Variants in TANC2 observed in about 807,000 individuals in gnomAD.
TANC2 encodes tetratricopeptide repeat, ankyrin repeat and coiled-coil containing 2, also known as protein TANC2.
TANC2 carries 26 observed loss-of-function variants against 210.5 expected under a neutral mutation model. That is an observed-to-expected ratio of 0.12 (90% CI 0.09 to 0.17). The LOEUF (loss-of-function observed/expected upper bound fraction) is 0.17, where lower values mean the gene tolerates loss of function less well. Among genes scored for constraint, TANC2 ranks in the 10% least tolerant of loss-of-function variants. The pLI, the probability that TANC2 is intolerant of heterozygous loss-of-function variation, is 1.00. For synonymous variants in TANC2, 931 were observed against 967.1 expected, an observed-to-expected ratio of 0.96 and a Z score of 0.69; for missense variants, 2,129 against 2,608.9, an observed-to-expected ratio of 0.82 and a Z score of 4.01.
chr17:63,311,661 CAT>C (rs1480566758), intron 9 of TANC2, among the ~76,000 whole-genome samples: 1 of 152,112 alleles, frequency 6.6e-6, no homozygotes, highest in African/African-American at 2.4e-5. Context: ...GGATTGAAAA[CAT>C]ATGTTCACAT....
rs145822140 is a variant in TANC2 at position 63,082,227 on chromosome 17, T to A, written c.139+8213T>A. On this transcript the variant is annotated intron_variant, in intron 3 of 27. Transcript: ENST00000689528. ...TCTAGAAAGATTTTATTTTAAAATA[T>A]TCTTATGTGAATTTTTCTGGTAAGA... Among the ~76,000 whole-genome samples the A allele has an allele frequency of 3.0e-4, 46 of 151,208 alleles. No homozygotes were observed. In the East Asian group the frequency reaches 8.9e-3, roughly 29 times the overall value.
chr17:63,065,034 C>T (rs914953858), intron 2 of TANC2, among the ~76,000 whole-genome samples: 5 of 152,096 alleles, frequency 3.3e-5, no homozygotes, highest in Non-Finnish European at 7.4e-5. Flanking sequence ...AGCATTTCCC[C>T]GTTTCTCCCT....
chr17:63,300,459 G>C (rs2044675978), intron 9 of TANC2, among the ~76,000 whole-genome samples: 1 of 152,052 alleles, frequency 6.6e-6, no homozygotes, highest in Non-Finnish European at 1.5e-5. Context: ...CTTGAGCAGT[G>C]GTTTGTAGTT....
At chr17:63,215,938 A>G (rs975725119) in intron 7 of TANC2, among the ~76,000 whole-genome samples, 4 of 151,916 alleles carry the variant, frequency 2.6e-5, no homozygotes, top group Admixed American at 6.6e-5. Flanking sequence ...TTGTTAGTAG[A>G]GATGGGGTTT....
At chr17:63,175,354 C>T (rs1029715065) in intron 5 of TANC2, among the ~76,000 whole-genome samples, 10 of 151,894 alleles carry the variant, frequency 6.6e-5, no homozygotes, top group South Asian at 6.2e-4. Flanking sequence ...TAGCAAGATC[C>T]GGTCTCTAGA....
exon 28 of TANC2, chr17:63,424,379 C>G (rs2049096178): frequency 1.3e-5 from 2 of 152,186 alleles, no homozygotes; most frequent in Non-Finnish European, 2.9e-5. Context: ...ATATGCCAAC[C>G]AGAGCTTGTT....
chr17:63,007,672 C>G (rs2033680769), intron 1 of TANC2, among the ~76,000 whole-genome samples: 2 of 152,076 alleles, frequency 1.3e-5, no homozygotes, highest in Non-Finnish European at 2.9e-5. Flanking sequence ...TACTTCTCTT[C>G]TTGGGTAATA....
intron 20 of TANC2, among the ~76,000 whole-genome samples, 170 bp from the exon 21 acceptor site, chr17:63,405,984 G>A (rs1346013068): frequency 6.6e-6 from 1 of 152,224 alleles, no homozygotes; most frequent in African/African-American, 2.4e-5. Context: ...CCCTGAGAGA[G>A]ATTAAATCAC....
At position 63,185,193 on chromosome 17, in the gene TANC2, G is replaced by A. The variant is rs976087861; in HGVS notation, c.434-8798G>A. Among the ~76,000 whole-genome samples, 9 of 151,752 alleles carry A rather than the reference G, an allele frequency of 5.9e-5. No individual in the cohort carries two copies. In the South Asian group the frequency reaches 8.3e-4, roughly 14 times the overall value. The stretch of plus-strand genomic sequence containing the variant: ...AAAAAAATGTTTTTTTGGAGCTAGG[G>A]TTTTGCCGTGTCACCCAGGCTCGAA... On this transcript the variant is annotated intron_variant, in intron 5 of 27. Transcript: ENST00000689528.
chr17:63,398,763 A>G lies in TANC2; in HGVS notation c.3238-58A>G, dbSNP rs2048248870. On this transcript the variant is annotated intron_variant, in intron 18 of 27. Coordinates refer to ENST00000689528, the Ensembl canonical transcript of TANC2. ...AAGCATCTTCCAAACCTCACAGGCT[A>G]GTGTCAGTAGCATAGTTTTCCACCT... The G allele has an allele frequency of 5.1e-6, 6 of 1,180,620 alleles. No individual in the cohort carries two copies. In the South Asian group the frequency reaches 6.9e-5, roughly 14 times the overall value. The allele number at this position is 1,180,620 out of a possible 1,614,324, so 73.1% of individuals were successfully genotyped here.
At chr17:63,281,543 T>C (rs935295335) in intron 9 of TANC2, among the ~76,000 whole-genome samples, 3 of 147,456 alleles carry the variant, frequency 2.0e-5, no homozygotes, top group Non-Finnish European at 4.4e-5. Context: ...CTAAGTTAAC[T>C]TGAACAAAAA....
chr17:63,294,149 A>G (rs17797064), intron 9 of TANC2, among the ~76,000 whole-genome samples: 22,858 of 152,252 alleles, frequency 0.15, 2,046 homozygotes, highest in Middle Eastern at 0.21. Flanking sequence ...AGATAGACAC[A>G]GTGATTAAAG....
At chr17:63,097,027 AG>A (rs1272012702) in intron 3 of TANC2, among the ~76,000 whole-genome samples, 1 of 150,974 alleles carries the variant, frequency 6.6e-6, no homozygotes, top group East Asian at 1.9e-4. Context: ...TGTTTATTCA[AG>A]TACTTTGAAG....
intron 4 of TANC2, among the ~76,000 whole-genome samples, chr17:63,135,065 C>G (rs2039044861): frequency 6.6e-6 from 1 of 151,966 alleles, no homozygotes; most frequent in African/African-American, 2.4e-5. Flanking sequence ...AAAATTTAAA[C>G]ATTAGCTGGG....
At chr17:63,377,259 G>A (rs1198426479) in intron 14 of TANC2, among the ~76,000 whole-genome samples, 2 of 152,192 alleles carry the variant, frequency 1.3e-5, no homozygotes, top group Non-Finnish European at 2.9e-5. Flanking sequence ...TCCTCATTGA[G>A]TATGCAGATT....
rs1309026358 is a variant in TANC2, at chr17:63,420,123, C to A, written c.4393C>A (p.Pro1465Thr). 11 of 1,551,386 alleles carry A rather than the reference C, an allele frequency of 7.1e-6. No individual in the cohort carries two copies. Among genetic ancestry groups the A allele is most frequent in the Non-Finnish European group, 8.7e-7 (1 of 1,146,980 alleles). The change falls in exon 28 of 28, where the codon CCA (proline) becomes ACA (threonine). Residue 1465 changes from proline to threonine, a missense_variant. By Grantham distance (38) the Pro-to-Thr change is conservative (BLOSUM62 -1). This residue lies in a region of TANC2 where 584 missense variants were observed against 627.3 expected (regional missense o/e 0.93). Coordinates refer to ENST00000689528, the Ensembl canonical transcript of TANC2. The surrounding 1 kb of genome is among the most constrained non-coding windows in gnomAD (Gnocchi z 4.2). ...TAGACAGATGCAGCAGCCACAGCAG[C>A]CACCGCCGCCACCGCAGCCTCAGCA...
chr17:63,372,893 C>CTTTTTTTTTTTTT (rs753800050), intron 14 of TANC2, among the ~76,000 whole-genome samples: 1 of 115,938 alleles, frequency 8.6e-6, no homozygotes, highest in African/African-American at 3.4e-5. Context: ...TGATTACCAT[C>CTTTTTTTTTTTTT]TTTTTTTTTT....
At chr17:63,004,409 G>A (rs2033520791) in intron 1 of TANC2, among the ~76,000 whole-genome samples, 1 of 152,112 alleles carries the variant, frequency 6.6e-6, no homozygotes. Flanking sequence ...TTGTGCCAAG[G>A]TGGCTATGTG....
intron 5 of TANC2, among the ~76,000 whole-genome samples, chr17:63,172,432 T>G (rs893621609): frequency 6.6e-6 from 1 of 152,070 alleles, no homozygotes; most frequent in African/African-American, 2.4e-5. Context: ...TCCACCCACC[T>G]CAGCCTTCCA....
Sources: allele counts gnomAD v4.1 joint callset (sites outside exome capture counted in the v4.1 genomes callset), GRCh38; gene constraint gnomAD v4.1.1; regional missense constraint gnomAD v4.1.1; non-coding constraint Gnocchi (gnomAD v3.1); transcripts MANE v1.5; gene names NCBI Gene and HGNC (gene_info 2026-07-23, HGNC 2026-07-21).